Variants in SH3GL3 observed in about 807,000 individuals in gnomAD.
SH3GL3 encodes the protein endophilin-A3.
SH3GL3 carries 33 observed loss-of-function variants against 47.7 expected under a neutral mutation model. The observed-to-expected ratio is 0.69, with a 90% CI of 0.52 to 0.92. SH3GL3 has a LOEUF of 0.92. Ranked by LOEUF, SH3GL3 falls within the 40% of genes least tolerant of loss-of-function variation. The pLI, the probability that SH3GL3 is intolerant of heterozygous loss-of-function variation, is 0.00. For missense variants in SH3GL3, 363 were observed against 417.8 expected (o/e 0.87, Z 1.14); for synonymous variants, 155 against 148.8 (o/e 1.04, Z -0.30).
chr15:83,526,085 G>A (rs2043409069), intron 1 of SH3GL3, among the ~76,000 whole-genome samples: 1 of 152,146 alleles, frequency 6.6e-6, no homozygotes, highest in African/African-American at 2.4e-5. Context: ...AATAGGGATT[G>A]CACTGAATAT....
intron 2 of SH3GL3, among the ~76,000 whole-genome samples, chr15:83,562,832 A>C (rs1182099067): frequency 6.6e-6 from 1 of 152,212 alleles, no homozygotes; most frequent in Non-Finnish European, 1.5e-5. Flanking sequence ...TTAGTTAATC[A>C]GATTCTCTTA....
At chr15:83,572,147 T>A (rs911410490) in intron 4 of SH3GL3, among the ~76,000 whole-genome samples, 5 of 152,232 alleles carry the variant, frequency 3.3e-5, no homozygotes, top group Non-Finnish European at 5.9e-5. Flanking sequence ...TTTGTTGGTT[T>A]ATTTCTATTG....
intron 8 of SH3GL3, among the ~76,000 whole-genome samples, chr15:83,617,348 G>C (rs1033742907): frequency 6.6e-6 from 1 of 152,240 alleles, no homozygotes; most frequent in East Asian, 1.9e-4. Context: ...CAGAGCTCCT[G>C]AACCATGAGT....
At chr15:83,608,244 C>T (rs1323017873) in intron 8 of SH3GL3, among the ~76,000 whole-genome samples, 2 of 152,122 alleles carry the variant, frequency 1.3e-5, no homozygotes, top group Non-Finnish European at 2.9e-5. Flanking sequence ...GACAGCAGTT[C>T]ATTGACTTTT....
chr15:83,490,356 A>G (rs1276413287), intron 1 of SH3GL3, among the ~76,000 whole-genome samples: 1 of 149,586 alleles, frequency 6.7e-6, no homozygotes, highest in Non-Finnish European at 1.5e-5. Flanking sequence ...TATGCCAGTC[A>G]CTGGTGGGTA....
At chr15:83,629,371 C>A in the SH3GL3 span, among the ~76,000 whole-genome samples, 2 of 152,250 alleles carry the variant, frequency 1.3e-5, no homozygotes, top group East Asian at 1.9e-4. Context: ...TTCAGTGGAA[C>A]CAAAGAGTCT....
chr15:83,562,450 T>C (rs982837136), intron 2 of SH3GL3, among the ~76,000 whole-genome samples: 2 of 152,118 alleles, frequency 1.3e-5, no homozygotes, highest in African/African-American at 4.8e-5. Flanking sequence ...CCAAAAAGGG[T>C]TGTATATATC....
intron 1 of SH3GL3, among the ~76,000 whole-genome samples, chr15:83,518,333 G>A (rs371569214): frequency 2.2e-4 from 33 of 152,248 alleles, no homozygotes; most frequent in African/African-American, 3.6e-4. Flanking sequence ...CACAGCAGTC[G>A]AACTAATTTG....
At chr15:83,612,572 C>T (rs2060697234) in intron 8 of SH3GL3, among the ~76,000 whole-genome samples, 1 of 152,210 alleles carries the variant, frequency 6.6e-6, no homozygotes, top group South Asian at 2.1e-4. Context: ...TGGGCTCCAG[C>T]CCCCGTGTTA....
At chr15:83,486,253 C>T (rs904369949) in intron 1 of SH3GL3, among the ~76,000 whole-genome samples, 3 of 152,142 alleles carry the variant, frequency 2.0e-5, no homozygotes, top group Non-Finnish European at 4.4e-5. Context: ...TTCAAATTTA[C>T]ATAACATAAA....
chr15:83,575,847 C>A (rs2059662419), intron 5 of SH3GL3, among the ~76,000 whole-genome samples: 2 of 152,182 alleles, frequency 1.3e-5, no homozygotes, highest in South Asian at 4.2e-4. Flanking sequence ...CTCCAGGGAC[C>A]CCTCCCTTGT....
chr15:83,562,302 G>A (rs773446074), intron 2 of SH3GL3, among the ~76,000 whole-genome samples: 5 of 152,094 alleles, frequency 3.3e-5, no homozygotes, highest in Non-Finnish European at 7.4e-5. Flanking sequence ...GTACCTGCAA[G>A]TTTTTGGTCA....
chr15:83,483,635 A>G (rs572038780), intron 1 of SH3GL3, among the ~76,000 whole-genome samples: 18 of 152,312 alleles, frequency 1.2e-4, no homozygotes, highest in African/African-American at 4.3e-4. Flanking sequence ...AATCTCTGGT[A>G]GGGCTTCTTT....
chr15:83,520,232 A>T (rs946509498), intron 1 of SH3GL3, among the ~76,000 whole-genome samples: 4 of 152,328 alleles, frequency 2.6e-5, no homozygotes, highest in Admixed American at 6.5e-5. Context: ...TTGTCTTTAT[A>T]TACTGGACAG....
chr15:83,607,429 T>C (rs1472838373), intron 8 of SH3GL3, among the ~76,000 whole-genome samples: 1 of 152,172 alleles, frequency 6.6e-6, no homozygotes, highest in Admixed American at 6.5e-5. Flanking sequence ...TGCCAGATTT[T>C]AGGAATGAGA....
intron 3 of SH3GL3, among the ~76,000 whole-genome samples, chr15:83,567,557 C>A (rs1342192315): frequency 1.3e-5 from 2 of 152,152 alleles, no homozygotes; most frequent in African/African-American, 4.8e-5. Flanking sequence ...AGAGGCTGAG[C>A]TGCACCTTGG....
At chr15:83,468,930 G>T (rs1393482159) in intron 1 of SH3GL3, among the ~76,000 whole-genome samples, 2 of 151,736 alleles carry the variant, frequency 1.3e-5, no homozygotes, top group Non-Finnish European at 2.9e-5. Flanking sequence ...ACAATTCAGA[G>T]AATTTTCCAG....
At chr15:83,612,449 C>G (rs1286319268) in intron 8 of SH3GL3, among the ~76,000 whole-genome samples, 1 of 152,240 alleles carries the variant, frequency 6.6e-6, no homozygotes. Context: ...CCTCTGGCCT[C>G]AGTGGCCCCT....
chr15:83,628,225 C>T, the SH3GL3 span, among the ~76,000 whole-genome samples: 1 of 152,108 alleles, frequency 6.6e-6, no homozygotes, highest in Non-Finnish European at 1.5e-5. Context: ...GAAAATCCCT[C>T]CTTATAGAAA....
Sources: gnomAD v4.1 joint callset for allele counts (sites outside exome capture counted in the v4.1 genomes callset) on GRCh38, gnomAD v4.1.1 for gene constraint, MANE v1.5 for transcripts, NCBI Gene and HGNC (gene_info 2026-07-23, HGNC 2026-07-21) for gene names.